The following KCNQ1OT1 variants were observed in gnomAD, a reference collection of about 807,000 sequenced individuals.
KCNQ1OT1 encodes KCNQ1 antisense RNA 2 (non-protein coding).
chr11:2,648,538 A>G, exon 1 of KCNQ1OT1: 1 of 398,536 alleles, frequency 2.5e-6, no homozygotes, highest in East Asian at 3.6e-5. Flanking sequence ...CACAGTGGTC[A>G]TTCAGGAACA....
exon 1 of KCNQ1OT1, chr11:2,675,617 G>A (rs574974390): frequency 5.0e-6 from 2 of 398,632 alleles, no homozygotes; most frequent in African/African-American, 2.1e-5. Context: ...ATAGGGTGGA[G>A]AGCACCCCTT....
At chr11:2,689,202 T>G in exon 1 of KCNQ1OT1, 1 of 398,842 alleles carries the variant, frequency 2.5e-6, no homozygotes, top group Non-Finnish European at 4.4e-6. Flanking sequence ...CAGCTCAGCT[T>G]GCTGACTTTG....
chr11:2,647,037 T>A lies in KCNQ1OT1; in HGVS notation n.52958A>T. 2.5e-6 allele frequency: 1 copy of A among 398,630 alleles called. No individual in the cohort carries two copies. Among genetic ancestry groups the A allele is most frequent in the East Asian group, 3.6e-5 (1 of 28,076 alleles). 24.7% of individuals were successfully genotyped at this position (398,630 alleles called of 1,614,324 possible). On this transcript the variant is annotated non_coding_transcript_exon_variant, in exon 1 of 1. Transcript: ENST00000597346. This position sits in a 1 kb window ranked among gnomAD's most constrained non-coding sequence, Gnocchi z 4.0. Reference sequence around the variant, plus strand: ...TTCTTACTCTGCTGAATAAGAATAGTGAAAGTGGGCATCCTTGTCTTGTTC... The same window carrying A: ...TTCTTACTCTGCTGAATAAGAATAGAGAAAGTGGGCATCCTTGTCTTGTTC...
exon 1 of KCNQ1OT1, chr11:2,646,815 C>T (rs1689119866): frequency 2.5e-6 from 1 of 398,478 alleles, no homozygotes; most frequent in Admixed American, 4.4e-5. Context: ...CATGTCCACA[C>T]CTACTAATTT....
At chr11:2,662,708 T>C (rs743647) in exon 1 of KCNQ1OT1, 17,909 of 401,502 alleles carry the variant, frequency 0.045, 1,285 homozygotes, top group African/African-American at 0.21. Flanking sequence ...TGCAGCGGGG[T>C]CAGTGGGGCA....
Position 2,663,288 on chromosome 11 carries a change from G to C in KCNQ1OT1, n.36707C>G, listed in dbSNP as rs1028635320. On this transcript the variant is annotated non_coding_transcript_exon_variant, in exon 1 of 1. Coordinates refer to ENST00000597346, the Ensembl canonical transcript of KCNQ1OT1. This position sits in a 1 kb window ranked among gnomAD's most constrained non-coding sequence, Gnocchi z 5.2. ...GGACACCCTGAGAATAGGGCTCTGA[G>C]CTTCTGGGCCCCTCCTGGCTGGGTA... The C allele has an allele frequency of 5.0e-6, 2 of 398,678 alleles. No individual in the cohort carries two copies. Among genetic ancestry groups the C allele is most frequent in the African/African-American group, 4.1e-5 (2 of 48,616 alleles). 24.7% of individuals were successfully genotyped at this position (398,678 alleles called of 1,614,324 possible).
chr11:2,668,448 T>C lies in KCNQ1OT1; in HGVS notation n.31547A>G. ...GCAGCATTCTGGCTGCTCCACATCC[T>C]AACACTTGGCATTTTCCGTCGTTTC... is the stretch of plus-strand genomic sequence containing the variant. On this transcript the variant is annotated non_coding_transcript_exon_variant, in exon 1 of 1. Transcript: ENST00000597346. The surrounding 1 kb of genome is among the most constrained non-coding windows in gnomAD (Gnocchi z 4.3). 7.5e-6 allele frequency: 3 copies of C among 398,634 alleles called. No homozygotes were observed. The highest frequency in any genetic ancestry group is 7.1e-5 in the East Asian group (2 of 28,076). The allele number at this position is 398,634 out of a possible 1,614,324, so 24.7% of individuals were successfully genotyped here. A position where few individuals can be genotyped will look rare whatever the true frequency, so the allele number is the denominator to read the frequency against.
Position 2,671,818 on chromosome 11 carries a change from A to T in KCNQ1OT1, n.28177T>A. ...TTCTTCCCCCAAATAAATCCCTGCA[A>T]CCCCACTGTGGTTATAGGTCTGAGC... is the stretch of plus-strand genomic sequence containing the variant. On this transcript the variant is annotated non_coding_transcript_exon_variant, in exon 1 of 1. Coordinates refer to ENST00000597346, the Ensembl canonical transcript of KCNQ1OT1. The surrounding 1 kb of genome is among the most constrained non-coding windows in gnomAD (Gnocchi z 4.7). 2.5e-6 allele frequency: 1 copy of T among 398,702 alleles called. No individual in the cohort carries two copies. Among genetic ancestry groups the T allele is most frequent in the East Asian group, 3.6e-5 (1 of 28,086 alleles). 24.7% of individuals were successfully genotyped at this position (398,702 alleles called of 1,614,324 possible).
chr11:2,670,795 A>G lies in KCNQ1OT1; in HGVS notation n.29200T>C. On this transcript the variant is annotated non_coding_transcript_exon_variant, in exon 1 of 1. Coordinates refer to ENST00000597346, the Ensembl canonical transcript of KCNQ1OT1. This position sits in a 1 kb window ranked among gnomAD's most constrained non-coding sequence, Gnocchi z 4.9. ...TGCCCTCTGCAATAAGAATTCTTCAAGTTCAGCCTCTATGTGCATCATAAA... is the reference window on the plus strand; with the variant it reads ...TGCCCTCTGCAATAAGAATTCTTCAGGTTCAGCCTCTATGTGCATCATAAA... The G allele has an allele frequency of 2.5e-6, 1 of 398,608 alleles. No homozygotes were observed. The allele number at this position is 398,608 out of a possible 1,614,324, so 24.7% of individuals were successfully genotyped here.
At chr11:2,694,107 T>C in exon 1 of KCNQ1OT1, 1 of 398,628 alleles carries the variant, frequency 2.5e-6, no homozygotes, top group East Asian at 3.6e-5. Flanking sequence ...GCCCATAGGT[T>C]GTGGGACTGG....
chr11:2,659,821 A>G lies in KCNQ1OT1; in HGVS notation n.40174T>C. The G allele has an allele frequency of 1.0e-5, 4 of 398,252 alleles. No individual in the cohort carries two copies. Among genetic ancestry groups the G allele is most frequent in the Non-Finnish European group, 1.8e-5 (4 of 225,984 alleles). The allele number at this position is 398,252 out of a possible 1,614,324, so 24.7% of individuals were successfully genotyped here. On this transcript the variant is annotated non_coding_transcript_exon_variant, in exon 1 of 1. Transcript: ENST00000597346. This position sits in a 1 kb window ranked among gnomAD's most constrained non-coding sequence, Gnocchi z 4.3. ...GAATTTCATTGTGATTCTAATTTGC[A>G]TTTCCATATTTATGTTAATTATGTA... is the stretch of plus-strand genomic sequence containing the variant.
Position 2,661,733 on chromosome 11 carries a change from T to C in KCNQ1OT1, n.38262A>G. 1 of 618,412 alleles carries C rather than the reference T, an allele frequency of 1.6e-6. No individual in the cohort carries two copies. Among genetic ancestry groups the C allele is most frequent in the East Asian group, 2.7e-5 (1 of 36,566 alleles). The allele number at this position is 618,412 out of a possible 1,614,324, so 38.3% of individuals were successfully genotyped here. A position where few individuals can be genotyped will look rare whatever the true frequency, so the allele number is the denominator to read the frequency against. ...CCAGGCACAGTTACCACTCCGAAGA[T>C]GATTCACTGGCCTTTATTCTCCTCA... is the stretch of plus-strand genomic sequence containing the variant. On this transcript the variant is annotated non_coding_transcript_exon_variant, in exon 1 of 1. Transcript: ENST00000597346. This position sits in a 1 kb window ranked among gnomAD's most constrained non-coding sequence, Gnocchi z 5.9.
chr11:2,683,619 C>T lies in KCNQ1OT1; in HGVS notation n.16376G>A, dbSNP rs1850435964. ...AACTCATTTCAAATACTGCTCTAGA[C>T]AACTGGGCCCTGCATCTGCTGCAAG... is the stretch of plus-strand genomic sequence containing the variant. On this transcript the variant is annotated non_coding_transcript_exon_variant, in exon 1 of 1. Transcript: ENST00000597346. The surrounding 1 kb of genome is among the most constrained non-coding windows in gnomAD (Gnocchi z 4.7). 5.0e-6 allele frequency: 2 copies of T among 398,656 alleles called. No homozygotes were observed. The highest frequency in any genetic ancestry group is 8.8e-6 in the Non-Finnish European group (2 of 226,064). 24.7% of individuals were successfully genotyped at this position (398,656 alleles called of 1,614,324 possible).
chr11:2,666,307 G>A, exon 1 of KCNQ1OT1: 1 of 398,716 alleles, frequency 2.5e-6, no homozygotes, highest in South Asian at 1.3e-4. Context: ...AGGGAAAGCT[G>A]CAGAGACCCC....
At chr11:2,625,714 C>T (rs540510723) in exon 1 of KCNQ1OT1, 22 of 397,424 alleles carry the variant, frequency 5.5e-5, no homozygotes, top group Non-Finnish European at 7.5e-5. Flanking sequence ...GGACTACAGG[C>T]GCCCACCACC....
rs888664915 is a variant in KCNQ1OT1 at position 2,670,249 on chromosome 11, C to T, written n.29746G>A. 1.0e-5 allele frequency: 4 copies of T among 398,324 alleles called. No homozygotes were observed. Among genetic ancestry groups the T allele is most frequent in the African/African-American group, 4.1e-5 (2 of 48,548 alleles). 24.7% of individuals were successfully genotyped at this position (398,324 alleles called of 1,614,324 possible). ...TGCCTTTGACCCTGCACATGACGGG[C>T]GAGGGAAGAGGACCATGGTAGCTTG... On this transcript the variant is annotated non_coding_transcript_exon_variant, in exon 1 of 1. Coordinates refer to ENST00000597346, the Ensembl canonical transcript of KCNQ1OT1. The surrounding 1 kb of genome is among the most constrained non-coding windows in gnomAD (Gnocchi z 4.9).
chr11:2,632,203 A>G, exon 1 of KCNQ1OT1: 1 of 397,376 alleles, frequency 2.5e-6, no homozygotes, highest in Non-Finnish European at 4.4e-6. Flanking sequence ...AAAAAAAAAA[A>G]GAAATGCAAC....
At chr11:2,692,037 C>T in exon 1 of KCNQ1OT1, 1 of 398,718 alleles carries the variant, frequency 2.5e-6, no homozygotes, top group Non-Finnish European at 4.4e-6. Context: ...AGGCCCTGAC[C>T]CCCCAAATGT....
chr11:2,620,180 AG>A lies in KCNQ1OT1; in HGVS notation n.79814del, dbSNP rs553396298. ...TCTAGCTGCATCCATGTTGCTGCAA[AG>A]GACGTAAGTTCATTCATGTATATAT... On this transcript the variant is annotated non_coding_transcript_exon_variant, in exon 1 of 1. Transcript: ENST00000597346. This position sits in a 1 kb window ranked among gnomAD's most constrained non-coding sequence, Gnocchi z 4.5. 2 of 393,800 alleles carry A rather than the reference AG, an allele frequency of 5.1e-6. No homozygotes were observed. 24.4% of individuals were successfully genotyped at this position (393,800 alleles called of 1,614,324 possible). A position where few individuals can be genotyped will look rare whatever the true frequency, so the allele number is the denominator to read the frequency against.
Sources: allele counts gnomAD v4.1 joint callset, GRCh38; gene constraint gnomAD v4.1.1; non-coding constraint Gnocchi (gnomAD v3.1); transcripts MANE v1.5; gene names NCBI Gene and HGNC (gene_info 2026-07-23, HGNC 2026-07-21).